Variants in SLC25A13 observed in about 807,000 individuals in gnomAD.
SLC25A13 encodes the protein electrogenic aspartate/glutamate antiporter SLC25A13, mitochondrial.
Under a neutral mutation model 85.5 loss-of-function variants are expected in SLC25A13, and 70 were observed. That is an observed-to-expected ratio of 0.82 (90% CI 0.68 to 1.00). SLC25A13 has a LOEUF of 1.00. SLC25A13 is among the 50% of genes least tolerant of loss of function. The pLI is 0.00. For missense variants in SLC25A13, 765 were observed against 819.8 expected (o/e 0.93, Z 0.82); for synonymous variants, 259 against 288.7 (o/e 0.90, Z 1.04).
chr7:96,234,302 G>A (rs991296698), intron 4 of SLC25A13, among the ~76,000 whole-genome samples: 1 of 152,266 alleles, frequency 6.6e-6, no homozygotes, highest in East Asian at 1.9e-4. Context: ...CAGTCAGGTC[G>A]GGGGAGCGGG....
chr7:96,282,437 C>T (rs1019101172), intron 2 of SLC25A13, among the ~76,000 whole-genome samples: 1 of 152,202 alleles, frequency 6.6e-6, no homozygotes. Flanking sequence ...AAATCCCCTA[C>T]ATTGTTTTCC....
At chr7:96,258,709 A>C (rs1797733637) in intron 3 of SLC25A13, among the ~76,000 whole-genome samples, 1 of 152,196 alleles carries the variant, frequency 6.6e-6, no homozygotes, top group Non-Finnish European at 1.5e-5. Context: ...AATTAGAAAA[A>C]ACTACTTTAA....
At chr7:96,306,801 T>TG in intron 1 of SLC25A13, 1 of 1,352,456 alleles carries the variant, frequency 7.4e-7, no homozygotes, top group Non-Finnish European at 1.1e-6. Context: ...CTATCATCTC[T>TG]ACCCCCAGGG....
At chr7:96,253,532 T>G (rs1166697337) in intron 3 of SLC25A13, among the ~76,000 whole-genome samples, 2 of 152,242 alleles carry the variant, frequency 1.3e-5, no homozygotes, top group Non-Finnish European at 2.9e-5. Context: ...TGTGTTTTTT[T>G]GACTGCTATC....
chr7:96,239,366 A>C (rs947260657), intron 3 of SLC25A13, among the ~76,000 whole-genome samples: 1 of 149,740 alleles, frequency 6.7e-6, no homozygotes, highest in Non-Finnish European at 1.5e-5. Context: ...AAAAATGTTT[A>C]TATATATATA....
chr7:96,269,495 GT>G (rs1330133426), intron 3 of SLC25A13, among the ~76,000 whole-genome samples: 1 of 152,120 alleles, frequency 6.6e-6, no homozygotes, highest in Non-Finnish European at 1.5e-5. Flanking sequence ...CTAGAAAAAG[GT>G]TTTTTTCCGG....
chr7:96,121,455 T>C (rs2116381531), intron 17 of SLC25A13, 78 bp from the exon 18 acceptor site: 2 of 1,538,348 alleles, frequency 1.3e-6, no homozygotes, highest in Admixed American at 3.4e-5. Context: ...TCAAAACCTG[T>C]TCAAATATTT....
intron 2 of SLC25A13, among the ~76,000 whole-genome samples, chr7:96,277,558 A>G (rs923220698): frequency 1.3e-5 from 2 of 152,152 alleles, no homozygotes; most frequent in African/African-American, 4.8e-5. Flanking sequence ...TCCCACAGGG[A>G]CACTTGGCAA....
intron 14 of SLC25A13, among the ~76,000 whole-genome samples, chr7:96,140,500 G>GT (rs756604195): frequency 6.8e-6 from 1 of 148,074 alleles, no homozygotes; most frequent in African/African-American, 2.5e-5. Context: ...CACCTCCCGG[G>GT]TTCAAGTGAT....
intron 13 of SLC25A13, 93 bp downstream of exon 13, chr7:96,169,952 A>T: frequency 7.7e-7 from 1 of 1,302,164 alleles, no homozygotes; most frequent in Non-Finnish European, 1.1e-6. Flanking sequence ...ATCTGTGGTT[A>T]AACAGAAGCC....
chr7:96,271,660 C>T (rs1309465605), intron 3 of SLC25A13, among the ~76,000 whole-genome samples: 1 of 151,996 alleles, frequency 6.6e-6, no homozygotes, highest in African/African-American at 2.4e-5. Flanking sequence ...CAAAGTCGGC[C>T]TTTCAAATCT....
In SLC25A13 at chr7:96,277,300, G is replaced by A. The variant is rs896670252; in HGVS notation, c.108C>T (p.Ser36=). Residue 36 remains serine (S), a synonymous_variant, in exon 3 of 18, where the codon TCC becomes TCT. Transcript: ENST00000265631. ...AGTATCGAGTGACAAAGTCATTGGG[G>A]GACATGAAAAATTCACCGTTTTTCT... The part of the protein sequence containing the change: ...SIEKNGEFFM[S]PNDFVTRYLN... 3.7e-6 allele frequency: 6 copies of A among 1,612,538 alleles called. No homozygotes were observed. The highest frequency in any genetic ancestry group is 5.1e-6 in the Non-Finnish European group (6 of 1,179,488).
intron 1 of SLC25A13, among the ~76,000 whole-genome samples, chr7:96,300,050 A>T (rs937514457): frequency 7.9e-5 from 12 of 152,334 alleles, no homozygotes; most frequent in African/African-American, 2.9e-4. Flanking sequence ...ATATAGTACA[A>T]GCCTAAAAAT....
At chr7:96,317,726 C>T (rs1295050970) in intron 1 of SLC25A13, among the ~76,000 whole-genome samples, 1 of 151,516 alleles carries the variant, frequency 6.6e-6, no homozygotes, top group Non-Finnish European at 1.5e-5. Context: ...TTTTGGTTTT[C>T]TTGAACATCA....
At chr7:96,190,715 C>T (rs866121328) in intron 7 of SLC25A13, among the ~76,000 whole-genome samples, 3 of 152,006 alleles carry the variant, frequency 2.0e-5, no homozygotes, top group Middle Eastern at 3.2e-3. Flanking sequence ...CAGGTTCAAG[C>T]GATTCTTCTG....
At chr7:96,275,009 T>C (rs533604608) in intron 3 of SLC25A13, among the ~76,000 whole-genome samples, 1 of 152,362 alleles carries the variant, frequency 6.6e-6, no homozygotes, top group East Asian at 1.9e-4. Context: ...TTCGATTCCA[T>C]ATGAACTTTA....
intron 4 of SLC25A13, among the ~76,000 whole-genome samples, chr7:96,212,742 A>T (rs1384461143): frequency 2.0e-5 from 3 of 152,158 alleles, no homozygotes; most frequent in African/African-American, 4.8e-5. Context: ...CCAGCAGCAA[A>T]CATTATTTTA....
At chr7:96,135,015 A>G (rs906038492) in intron 14 of SLC25A13, among the ~76,000 whole-genome samples, 10 of 152,022 alleles carry the variant, frequency 6.6e-5, no homozygotes, top group African/African-American at 2.2e-4. Context: ...AAGAACTTCC[A>G]CCTGGTGTGA....
chr7:96,182,521 C>G (rs1373537144), intron 11 of SLC25A13, among the ~76,000 whole-genome samples: 2 of 152,166 alleles, frequency 1.3e-5, no homozygotes, highest in Admixed American at 1.3e-4. Context: ...CTGTCTGTAC[C>G]TAATATATTG....
Sources: gnomAD v4.1 joint callset for allele counts (sites outside exome capture counted in the v4.1 genomes callset) on GRCh38, gnomAD v4.1.1 for gene constraint, MANE v1.5 for transcripts, NCBI Gene and HGNC (gene_info 2026-07-23, HGNC 2026-07-21) for gene names.